OXR1: variants seen among roughly 807,000 people sequenced by gnomAD.
The protein encoded by OXR1 is oxidation resistance protein 1.
Under a neutral mutation model 104.6 loss-of-function variants are expected in OXR1, and 41 were observed. That is an observed-to-expected ratio of 0.39 (90% CI 0.31 to 0.51). The LOEUF (loss-of-function observed/expected upper bound fraction) is 0.51. Among genes scored for constraint, OXR1 ranks in the 20% least tolerant of loss-of-function variants. OXR1 has a pLI of 0.77. For synonymous variants in OXR1, 348 were observed against 348.4 expected, an observed-to-expected ratio of 1.00 and a Z score of 0.01; for missense variants, 955 against 1,031.9, an observed-to-expected ratio of 0.93 and a Z score of 1.02.
chr8:106,554,676 G>T (rs1163156962), intron 3 of OXR1, among the ~76,000 whole-genome samples: 2 of 152,098 alleles, frequency 1.3e-5, no homozygotes, highest in Non-Finnish European at 2.9e-5. Flanking sequence ...TTTACAAAGT[G>T]ACTTATGTCA....
chr8:106,559,839 C>T (rs1031432899), intron 3 of OXR1, among the ~76,000 whole-genome samples: 6 of 152,074 alleles, frequency 3.9e-5, no homozygotes, highest in Non-Finnish European at 7.3e-5. Context: ...CAACACACTG[C>T]AGATTCGATT....
At chr8:106,568,550 A>G (rs1163780741) in intron 3 of OXR1, among the ~76,000 whole-genome samples, 1 of 152,112 alleles carries the variant, frequency 6.6e-6, no homozygotes, top group Non-Finnish European at 1.5e-5. Flanking sequence ...CTTAGTAAAA[A>G]GAATGATGGC....
intron 3 of OXR1, among the ~76,000 whole-genome samples, chr8:106,546,487 G>A (rs1480231566): frequency 6.6e-6 from 1 of 152,162 alleles, no homozygotes; most frequent in Non-Finnish European, 1.5e-5. Flanking sequence ...TTTTGCCAAG[G>A]TAAAGGATGT....
intron 2 of OXR1, among the ~76,000 whole-genome samples, chr8:106,360,554 A>G (rs1014246017): frequency 2.0e-5 from 3 of 152,026 alleles, no homozygotes; most frequent in African/African-American, 7.2e-5. Flanking sequence ...ATTCGGAGTC[A>G]TGTTTCTGAA....
intron 2 of OXR1, among the ~76,000 whole-genome samples, chr8:106,505,048 T>A (rs1812065671): frequency 6.6e-6 from 1 of 152,232 alleles, no homozygotes; most frequent in South Asian, 2.1e-4. Flanking sequence ...AACTGTGTAT[T>A]CAGTCATAAT....
intron 3 of OXR1, among the ~76,000 whole-genome samples, chr8:106,654,165 A>G (rs1341980434): frequency 6.6e-6 from 1 of 152,074 alleles, no homozygotes; most frequent in Non-Finnish European, 1.5e-5. Flanking sequence ...TCAAAATTAC[A>G]ACTGACTTTT....
intron 3 of OXR1, among the ~76,000 whole-genome samples, chr8:106,556,496 C>G (rs780269442): frequency 3.9e-5 from 6 of 152,042 alleles, no homozygotes; most frequent in African/African-American, 7.2e-5. Context: ...TGAATCCTGC[C>G]TCTGCCTTTA....
At chr8:106,407,372 G>A (rs1818285110) in intron 2 of OXR1, among the ~76,000 whole-genome samples, 1 of 152,142 alleles carries the variant, frequency 6.6e-6, no homozygotes, top group Non-Finnish European at 1.5e-5. Context: ...TTTCTAATCA[G>A]TTTGCTGTAC....
At chr8:106,309,474 T>C (rs1813606539) in intron 1 of OXR1, among the ~76,000 whole-genome samples, 1 of 152,186 alleles carries the variant, frequency 6.6e-6, no homozygotes, top group African/African-American at 2.4e-5. Context: ...GAGCTATTTA[T>C]AGCCATTTTA....
intron 1 of OXR1, among the ~76,000 whole-genome samples, chr8:106,353,717 A>C (rs1815837634): frequency 6.6e-6 from 1 of 152,128 alleles, no homozygotes; most frequent in African/African-American, 2.4e-5. Context: ...CCATTACCTC[A>C]CTAATGTATC....
chr8:106,649,616 C>T (rs556203600), intron 3 of OXR1, among the ~76,000 whole-genome samples: 36 of 150,088 alleles, frequency 2.4e-4, no homozygotes, highest in African/African-American at 8.1e-4. Context: ...GATAATAACA[C>T]GTATTATCTG....
chr8:106,549,750 T>C (rs1385484040), intron 3 of OXR1, among the ~76,000 whole-genome samples: 2 of 152,190 alleles, frequency 1.3e-5, no homozygotes, highest in Non-Finnish European at 2.9e-5. Context: ...GGAAGCTCTC[T>C]GGGGTCCCTT....
At chr8:106,502,346 C>T (rs952547544) in intron 2 of OXR1, among the ~76,000 whole-genome samples, 2 of 152,202 alleles carry the variant, frequency 1.3e-5, no homozygotes, top group African/African-American at 2.4e-5. Context: ...CTATGAAAAT[C>T]TGTTCGTCTG....
At chr8:106,590,525 G>T (rs1314747966) in intron 3 of OXR1, among the ~76,000 whole-genome samples, 1 of 152,062 alleles carries the variant, frequency 6.6e-6, no homozygotes, top group African/African-American at 2.4e-5. Flanking sequence ...TGACCTCATG[G>T]TCTGCCCGCC....
intron 3 of OXR1, among the ~76,000 whole-genome samples, chr8:106,629,659 TA>T (rs1822497019): frequency 6.6e-6 from 1 of 152,246 alleles, no homozygotes; most frequent in South Asian, 2.1e-4. Context: ...GAAATACTTC[TA>T]TAATTTACAT....
At chr8:106,519,343 G>T (rs912003272) in intron 3 of OXR1, among the ~76,000 whole-genome samples, 9 of 152,232 alleles carry the variant, frequency 5.9e-5, no homozygotes, top group African/African-American at 2.2e-4. Flanking sequence ...ATAAAAGCAG[G>T]CTTGAGGACC....
intron 3 of OXR1, among the ~76,000 whole-genome samples, chr8:106,619,590 A>G (rs1343154014): frequency 6.6e-6 from 1 of 152,174 alleles, no homozygotes; most frequent in East Asian, 1.9e-4. Context: ...TTTTTAAGCA[A>G]TGCCAAATAT....
At chr8:106,736,481 T>C (rs1239654605) in intron 11 of OXR1, among the ~76,000 whole-genome samples, 3 of 152,190 alleles carry the variant, frequency 2.0e-5, no homozygotes, top group African/African-American at 7.2e-5. Flanking sequence ...TTAACTCATT[T>C]TGTGGTCAGA....
intron 1 of OXR1, among the ~76,000 whole-genome samples, chr8:106,292,559 G>A (rs926551744): frequency 6.6e-6 from 1 of 152,154 alleles, no homozygotes; most frequent in Non-Finnish European, 1.5e-5. Context: ...CTCGGTTTCA[G>A]GTATCCATTG....
Sources: gnomAD v4.1 joint callset for allele counts (sites outside exome capture counted in the v4.1 genomes callset) on GRCh38, gnomAD v4.1.1 for gene constraint, MANE v1.5 for transcripts, NCBI Gene and HGNC (gene_info 2026-07-23, HGNC 2026-07-21) for gene names.